The following PTGES3 variants were observed in gnomAD, a reference collection of about 807,000 sequenced individuals.
PTGES3 encodes prostaglandin E synthase 3, also known as Hsp90 co-chaperone.
PTGES3 carries 5 observed loss-of-function variants against 29.9 expected under a neutral mutation model. The observed-to-expected ratio is 0.17, with a 90% CI of 0.09 to 0.35. PTGES3 has a LOEUF of 0.35. PTGES3 is among the 10% of genes least tolerant of loss of function. PTGES3 has a pLI of 1.00. For missense variants in PTGES3, 128 were observed against 190.0 expected, an observed-to-expected ratio of 0.67 and a Z score of 1.92; for synonymous variants, 49 against 57.8, an observed-to-expected ratio of 0.85 and a Z score of 0.69.
chr12:56,671,924 C>G, intron 3 of PTGES3, 77 bp from the exon 4 acceptor site: 1 of 886,874 alleles, frequency 1.1e-6, no homozygotes, highest in South Asian at 2.8e-5. Context: ...TCATTTCTCA[C>G]CTTTCTCATT....
rs1951955777 is a variant in PTGES3 at position 56,670,344 on chromosome 12, G to A, written c.306C>T (p.Asp102=). 2 of 1,612,032 alleles carry A rather than the reference G, an allele frequency of 1.2e-6. No individual in the cohort carries two copies. Among genetic ancestry groups the A allele is most frequent in the African/African-American group, 1.3e-5 (1 of 74,862 alleles). ...ERAKLNWLSV[D]FNNWKDWEDD... ...CTTCCCAGTCTTTCCAATTATTGAA[G>A]TCGACACTAAGCCAATTAAGCTATA... is the stretch of plus-strand genomic sequence containing the variant. Residue 102 remains aspartate, a synonymous_variant, in exon 5 of 8, where the codon GAC becomes GAT. Coordinates refer to ENST00000262033, the MANE Select transcript of PTGES3 (RefSeq NM_006601.7).
chr12:56,678,046 T>G (rs1012521988), intron 1 of PTGES3, among the ~76,000 whole-genome samples: 2 of 152,144 alleles, frequency 1.3e-5, no homozygotes, highest in South Asian at 2.1e-4. Context: ...CAGCTTGGTG[T>G]CAGACATTTA....
At chr12:56,678,105 AG>A (rs11300958) in intron 1 of PTGES3, among the ~76,000 whole-genome samples, 117,519 of 152,040 alleles carry the variant, frequency 0.77, 45,691 homozygotes, top group African/African-American at 0.85. Context: ...TATGAACTCC[AG>A]GAACTACTTT....
intron 1 of PTGES3, chr12:56,687,123 G>T (rs547855034): frequency 2.5e-6 from 2 of 812,184 alleles, no homozygotes; most frequent in Non-Finnish European, 3.2e-6. Flanking sequence ...ATCGTAAAAT[G>T]AAGACTGCCA....
chr12:56,678,397 G>A (rs901160512), intron 1 of PTGES3, among the ~76,000 whole-genome samples: 3 of 151,984 alleles, frequency 2.0e-5, no homozygotes, highest in South Asian at 4.1e-4. Flanking sequence ...GGCTGGTCTC[G>A]AACTCCTGAC....
chr12:56,674,807 C>CA (rs1952151267), intron 1 of PTGES3, among the ~76,000 whole-genome samples: 3 of 93,512 alleles, frequency 3.2e-5, no homozygotes, highest in African/African-American at 4.4e-5. Flanking sequence ...GCCTGGGCAA[C>CA]AGAGCAAGAC....
At chr12:56,687,469 T>C (rs751011545) in intron 1 of PTGES3, 4 of 989,734 alleles carry the variant, frequency 4.0e-6, no homozygotes, top group South Asian at 4.6e-5. Context: ...GGCGTGGGCA[T>C]GGCTTCCTTC....
chr12:56,673,838 C>T (rs967138008), intron 1 of PTGES3, among the ~76,000 whole-genome samples: 7 of 150,400 alleles, frequency 4.7e-5, no homozygotes, highest in Non-Finnish European at 1.0e-4. Flanking sequence ...TGATGCAGGC[C>T]TGTAGTCCCA....
At chr12:56,687,239 T>C (rs1952918234) in intron 1 of PTGES3, 3 of 1,021,366 alleles carry the variant, frequency 2.9e-6, no homozygotes, top group Admixed American at 5.8e-5. Context: ...AACAAGATAG[T>C]GAAACCTCAC....
chr12:56,679,371 T>G (rs1439791305), intron 1 of PTGES3, among the ~76,000 whole-genome samples: 2 of 127,970 alleles, frequency 1.6e-5, no homozygotes, highest in Non-Finnish European at 3.1e-5. Flanking sequence ...GTGCCCCTGC[T>G]GCACCCCAGC....
intron 1 of PTGES3, chr12:56,686,868 C>G: frequency 2.9e-6 from 1 of 348,704 alleles, no homozygotes; most frequent in Middle Eastern, 6.6e-4. Context: ...ATCCTTATTA[C>G]TTTTCCAAAG....
At chr12:56,677,215 G>GGCGACAGAGTGAGACTCCTTCTCC (rs1952295884) in intron 1 of PTGES3, among the ~76,000 whole-genome samples, 1 of 151,454 alleles carries the variant, frequency 6.6e-6, no homozygotes, top group Admixed American at 6.6e-5. Context: ...CTCTAGCCTG[G>GGCGACAGAGTGAGACTCCTTCTCC]GCGACAGAGT....
intron 5 of PTGES3, among the ~76,000 whole-genome samples, chr12:56,667,473 G>GT (rs1265789910): frequency 6.6e-6 from 1 of 152,152 alleles, no homozygotes; most frequent in Non-Finnish European, 1.5e-5. Flanking sequence ...CAGCCTAAAA[G>GT]TATCATTCAG....
intron 1 of PTGES3, chr12:56,687,768 G>A (rs1746070802): frequency 3.6e-6 from 5 of 1,378,994 alleles, no homozygotes; most frequent in East Asian, 3.1e-5. Context: ...TAGGATTTCC[G>A]GCATGGGGAA....
chr12:56,663,764 G>A lies in PTGES3; in HGVS notation c.*715C>T, dbSNP rs903015245. ...TTCACTCATTTGCCATACTGACAGT[G>A]CAAATACAAATCTGGACTAAATGTA... On this transcript the variant is annotated 3_prime_UTR_variant, in exon 8 of 8. Coordinates refer to ENST00000262033, the MANE Select transcript of PTGES3 (RefSeq NM_006601.7). 6.6e-6 allele frequency: 1 copy of A among 152,084 alleles called. No individual in the cohort carries two copies. The highest frequency in any genetic ancestry group is 2.4e-5 in the African/African-American group (1 of 41,162). The allele number at this position is 152,084 out of a possible 1,614,324, so 9.4% of individuals were successfully genotyped here. A position where few individuals can be genotyped will look rare whatever the true frequency, so the allele number is the denominator to read the frequency against.
At chr12:56,678,356 T>C (rs1362342709) in intron 1 of PTGES3, among the ~76,000 whole-genome samples, 7 of 152,054 alleles carry the variant, frequency 4.6e-5, no homozygotes, top group Non-Finnish European at 8.8e-5. Flanking sequence ...TTTTGTTTTT[T>C]AGTAGAGGCA....
At chr12:56,667,747 T>C (rs1951842539) in intron 5 of PTGES3, among the ~76,000 whole-genome samples, 1 of 152,212 alleles carries the variant, frequency 6.6e-6, no homozygotes, top group Non-Finnish European at 1.5e-5. Flanking sequence ...AAATGCATAG[T>C]TCCAGAGACC....
At position 56,672,810 on chromosome 12, in the gene PTGES3, C is replaced by A; in HGVS notation, c.117-1G>T. 1 of 1,581,024 alleles carries A rather than the reference C, an allele frequency of 6.3e-7. No individual in the cohort carries two copies. The highest frequency in any genetic ancestry group is 8.6e-7 in the Non-Finnish European group (1 of 1,165,244). ...AAAATTATCACTTCCTCCGAGACAACTGTATAAAATAATAAAGAAAGAATT... is the reference window on the plus strand; with the variant it reads ...AAAATTATCACTTCCTCCGAGACAAATGTATAAAATAATAAAGAAAGAATT... On this transcript the variant is annotated splice_acceptor_variant, in intron 2 of 7. Coordinates refer to ENST00000262033, the MANE Select transcript of PTGES3 (RefSeq NM_006601.7). LOFTEE classifies it high-confidence loss of function.
In PTGES3 at chr12:56,679,408, C is replaced by CAAAAAA. The variant is rs770485836; in HGVS notation, c.3-6349_3-6344dup. On this transcript the variant is annotated intron_variant, in intron 1 of 7. Transcript: ENST00000262033. Reference sequence around the variant, plus strand: ...TGGGCAACAGAGTGAGACTCTGCCTCAAAAAAAAAAAAAAAAAAAAAAAGC... The same window carrying CAAAAAA: ...TGGGCAACAGAGTGAGACTCTGCCTCAAAAAAAAAAAAAAAAAAAAAAAAAAAAAGC... Among the ~76,000 whole-genome samples, 13 of 65,110 alleles carry CAAAAAA rather than the reference C, an allele frequency of 2.0e-4. 1 individual carries two copies. The highest frequency in any genetic ancestry group is 8.1e-4 in the South Asian group (1 of 1,234). 42.7% of individuals were successfully genotyped at this position (65,110 alleles called of 152,430 possible).
Sources: allele counts gnomAD v4.1 joint callset (sites outside exome capture counted in the v4.1 genomes callset), GRCh38; gene constraint gnomAD v4.1.1; transcripts MANE v1.5; gene names NCBI Gene and HGNC (gene_info 2026-07-23, HGNC 2026-07-21).